Variants in NKAIN2 observed in about 807,000 individuals in gnomAD.
The protein encoded by NKAIN2 is sodium/potassium transporting ATPase interacting 2, also known as sodium/potassium-transporting ATPase subunit beta-1-interacting protein 2.
A neutral mutation model predicts 32.6 loss-of-function variants in NKAIN2; 14 were observed. The ratio of observed to expected loss-of-function variants is 0.43; its 90% CI spans 0.28 to 0.67. NKAIN2 has a LOEUF of 0.67. Ranked by LOEUF, NKAIN2 falls within the 30% of genes least tolerant of loss-of-function variation. The pLI is 0.17. For synonymous variants in NKAIN2, 80 were observed against 87.2 expected, an observed-to-expected ratio of 0.92 and a Z score of 0.46; for missense variants, 198 against 258.3, an observed-to-expected ratio of 0.77 and a Z score of 1.60.
chr6:124,238,288 A>T (rs1213289098), intron 1 of NKAIN2, among the ~76,000 whole-genome samples: 1 of 152,092 alleles, frequency 6.6e-6, no homozygotes, highest in Non-Finnish European at 1.5e-5. Context: ...AATAAAAGAA[A>T]CATTAAAAAT....
chr6:123,817,099 C>A (rs1053439383), intron 1 of NKAIN2, among the ~76,000 whole-genome samples: 2 of 151,948 alleles, frequency 1.3e-5, no homozygotes, highest in Non-Finnish European at 2.9e-5. Context: ...TAGGGAAAGT[C>A]TGGAGACAAC....
chr6:124,154,165 T>TA (rs1220897982), intron 1 of NKAIN2, among the ~76,000 whole-genome samples: 1 of 151,884 alleles, frequency 6.6e-6, no homozygotes, highest in Non-Finnish European at 1.5e-5. Flanking sequence ...AGTTGAGGAC[T>TA]AAATACCTCT....
At chr6:124,048,707 T>C (rs1180823829) in intron 1 of NKAIN2, among the ~76,000 whole-genome samples, 3 of 152,066 alleles carry the variant, frequency 2.0e-5, no homozygotes, top group Admixed American at 6.6e-5. Context: ...TATCAATTGA[T>C]TGAAAGCAAT....
chr6:124,117,969 T>C (rs1785696677), intron 1 of NKAIN2, among the ~76,000 whole-genome samples: 1 of 150,882 alleles, frequency 6.6e-6, no homozygotes, highest in Admixed American at 6.6e-5. Flanking sequence ...ACTAAGGAAA[T>C]CTGGTTCTCT....
At chr6:124,426,123 T>C (rs1202828655) in intron 3 of NKAIN2, among the ~76,000 whole-genome samples, 3 of 152,308 alleles carry the variant, frequency 2.0e-5, no homozygotes, top group South Asian at 4.1e-4. Flanking sequence ...TTTCCAAAGA[T>C]TGTTGCAACA....
At chr6:124,050,812 TC>T (rs1306755668) in intron 1 of NKAIN2, among the ~76,000 whole-genome samples, 1 of 152,074 alleles carries the variant, frequency 6.6e-6, no homozygotes, top group African/African-American at 2.4e-5. Context: ...CTTGAGTTTT[TC>T]AAATGACACA....
In NKAIN2 at chr6:124,403,526, A is replaced by G. The variant is rs147536818; in HGVS notation, c.273+48179A>G. Among the ~76,000 whole-genome samples, 1,370 of 152,298 alleles carry G rather than the reference A, an allele frequency of 9.0e-3. 12 individuals carry two copies. Among genetic ancestry groups the G allele is most frequent in the Non-Finnish European group, 0.015 (992 of 68,026 alleles). On this transcript the variant is annotated intron_variant, in intron 3 of 6. Coordinates refer to ENST00000368417, the MANE Select transcript of NKAIN2 (RefSeq NM_001040214.3). ...AGTCAATCACATTTAAGCAGTGAAT[A>G]TACTGTCAAAAGTATTGTAGTGGCA...
chr6:124,252,935 G>A (rs1793751991), intron 1 of NKAIN2, among the ~76,000 whole-genome samples: 1 of 152,062 alleles, frequency 6.6e-6, no homozygotes, highest in South Asian at 2.1e-4. Flanking sequence ...ACAACTATAC[G>A]TTAGTTAAAT....
At chr6:124,806,508 CA>C (rs1340950771) in intron 5 of NKAIN2, among the ~76,000 whole-genome samples, 5 of 152,052 alleles carry the variant, frequency 3.3e-5, no homozygotes, top group Non-Finnish European at 7.3e-5. Context: ...TGGAAAGGCA[CA>C]ACCGGTACCA....
chr6:124,626,094 T>TCCCCCCCCCCCCCCCCCCCC (rs145583253), intron 3 of NKAIN2, among the ~76,000 whole-genome samples: 1 of 90,590 alleles, frequency 1.1e-5, no homozygotes, highest in Non-Finnish European at 2.1e-5. Context: ...CCCTCCCCAC[T>TCCCCCCCCCCCCCCCCCCCC]CCCCACACCC....
At chr6:124,588,432 A>C (rs1294714210) in intron 3 of NKAIN2, among the ~76,000 whole-genome samples, 1 of 152,058 alleles carries the variant, frequency 6.6e-6, no homozygotes. Flanking sequence ...CTGCGTTAAC[A>C]TGTTTTTCGG....
chr6:124,638,378 A>G (rs549134168), intron 3 of NKAIN2, among the ~76,000 whole-genome samples: 1 of 152,348 alleles, frequency 6.6e-6, no homozygotes, highest in Non-Finnish European at 1.5e-5. Context: ...AAGACTTCAA[A>G]TGCACAGTCA....
intron 1 of NKAIN2, among the ~76,000 whole-genome samples, chr6:123,945,487 C>T (rs936552673): frequency 3.3e-5 from 5 of 152,052 alleles, no homozygotes; most frequent in African/African-American, 9.7e-5. Flanking sequence ...TCTAAAGTTC[C>T]TCAAAATTAG....
At position 124,658,371 on chromosome 6, in the gene NKAIN2, C is replaced by G. The variant is rs1386350028; in HGVS notation, c.459C>G (p.Leu153=). 6.2e-7 allele frequency: 1 copy of G among 1,614,100 alleles called. No individual in the cohort carries two copies. The highest frequency in any genetic ancestry group is 8.5e-7 in the Non-Finnish European group (1 of 1,180,008). Residue 153 remains leucine, a synonymous_variant, in exon 4 of 7, where the codon CTC becomes CTG. Coordinates refer to ENST00000368417, the MANE Select transcript of NKAIN2 (RefSeq NM_001040214.3). The stretch of plus-strand genomic sequence containing the variant: ...ACATAGAAGTGGCTCATAGTTCCCT[C>G]CAGATTGTCCTCGCAGTAAGTGTTG... The part of the protein sequence containing the change: ...YQYIEVAHSS[L]QIVLALAGFI...
At chr6:124,692,956 G>C (rs995668147) in intron 4 of NKAIN2, among the ~76,000 whole-genome samples, 1 of 152,216 alleles carries the variant, frequency 6.6e-6, no homozygotes, top group Non-Finnish European at 1.5e-5. Flanking sequence ...GGAGCATTTA[G>C]TATAATTTGA....
At chr6:124,820,760 C>A (rs1463389184) in intron 6 of NKAIN2, among the ~76,000 whole-genome samples, 3 of 152,130 alleles carry the variant, frequency 2.0e-5, no homozygotes, top group Non-Finnish European at 4.4e-5. Context: ...GTATTAGATT[C>A]TCATAGCAGT....
intron 1 of NKAIN2, among the ~76,000 whole-genome samples, chr6:124,195,622 A>G (rs1279784228): frequency 2.0e-5 from 3 of 152,160 alleles, no homozygotes; most frequent in Admixed American, 6.5e-5. Context: ...AGAAACTTGG[A>G]TAAAGCACAA....
In NKAIN2 at chr6:124,373,681, A is replaced by G. The variant is rs898708861; in HGVS notation, c.273+18334A>G. 3.4e-4 allele frequency among the ~76,000 whole-genome samples: 52 copies of G among 152,144 alleles called. 1 individual carries two copies. The highest frequency in any genetic ancestry group is 1.3e-3 in the African/African-American group (52 of 41,440). ...AGTGACGTAGGAAGGAAGCCAGGGC[A>G]CTAGTGTTCAAGAGCTTTGGTTAAA... On this transcript the variant is annotated intron_variant, in intron 3 of 6. Coordinates refer to ENST00000368417, the MANE Select transcript of NKAIN2 (RefSeq NM_001040214.3).
intron 1 of NKAIN2, among the ~76,000 whole-genome samples, chr6:124,197,295 G>T (rs1790361427): frequency 1.3e-5 from 2 of 149,740 alleles, no homozygotes; most frequent in African/African-American, 4.9e-5. Context: ...TCCTTCTATG[G>T]CCTCTCTTTC....
Sources: allele counts gnomAD v4.1 joint callset (sites outside exome capture counted in the v4.1 genomes callset), GRCh38; gene constraint gnomAD v4.1.1; transcripts MANE v1.5; gene names NCBI Gene and HGNC (gene_info 2026-07-23, HGNC 2026-07-21).